Variants in USP14 observed in about 807,000 individuals in gnomAD.
The protein encoded by USP14 is ubiquitin specific peptidase 14.
Under a neutral mutation model 76.5 loss-of-function variants are expected in USP14, and 38 were observed. The observed-to-expected ratio is 0.50, with a 90% confidence interval of 0.38 to 0.65. USP14 has a LOEUF of 0.65. Ranked by LOEUF, USP14 falls within the 30% of genes least tolerant of loss-of-function variation. The probability of loss-of-function intolerance (pLI) is 0.00; values close to 1 mark genes in which losing one functional copy is unlikely to be tolerated. For synonymous variants in USP14, 192 were observed against 191.7 expected (o/e 1.00, Z -0.01); for missense variants, 467 against 586.5 (o/e 0.80, Z 2.10).
intron 5 of USP14, among the ~76,000 whole-genome samples, chr18:184,440 T>C (rs530362695): frequency 1.3e-5 from 2 of 152,294 alleles, no homozygotes; most frequent in East Asian, 3.9e-4. Flanking sequence ...AGAACTTGTC[T>C]TTGGCAGGTT....
At position 199,192 on chromosome 18, in the gene USP14, G is replaced by C; in HGVS notation, c.762-10G>C. On this transcript the variant is annotated splice_polypyrimidine_tract_variant and intron_variant, in intron 9 of 15. Coordinates refer to ENST00000261601, the MANE Select transcript of USP14 (RefSeq NM_005151.4). ...ACCCGTTGGCATATTCCTTATCTTA[G>C]TTTACAAAGCATGAAATGTACAGAA... 2 of 1,589,284 alleles carry C rather than the reference G, an allele frequency of 1.3e-6. No homozygotes were observed. Among genetic ancestry groups the C allele is most frequent in the East Asian group, 4.5e-5 (2 of 44,644 alleles).
intron 6 of USP14, 77 bp downstream of exon 6, chr18:192,977 AG>A: frequency 7.8e-7 from 1 of 1,282,336 alleles, no homozygotes; most frequent in Non-Finnish European, 1.1e-6. Flanking sequence ...TGCAGTTTAC[AG>A]AATGTCTTTT....
intron 13 of USP14, among the ~76,000 whole-genome samples, chr18:209,011 A>G (rs145300023): frequency 7.9e-4 from 120 of 152,294 alleles, no homozygotes; most frequent in African/African-American, 2.8e-3. Flanking sequence ...GTAAGCCACT[A>G]TACCCGGCCT....
At chr18:203,747 C>T (rs1171692699) in intron 12 of USP14, among the ~76,000 whole-genome samples, 3 of 151,998 alleles carry the variant, frequency 2.0e-5, no homozygotes, top group Admixed American at 2.0e-4. Context: ...GTAGCTGGGA[C>T]TACAGGCGCC....
chr18:193,981 T>A (rs1387763517), intron 6 of USP14, among the ~76,000 whole-genome samples: 3 of 152,212 alleles, frequency 2.0e-5, no homozygotes, highest in Non-Finnish European at 2.9e-5. Flanking sequence ...ATATGATTAC[T>A]ATATTTAACC....
chr18:201,987 C>CT (rs1339135024), intron 10 of USP14, among the ~76,000 whole-genome samples: 1 of 152,184 alleles, frequency 6.6e-6, no homozygotes, highest in Non-Finnish European at 1.5e-5. Flanking sequence ...TAAAAAGCTA[C>CT]TCCACAGTGA....
Position 199,314 on chromosome 18 carries a change from T to C in USP14, c.874T>C (p.Leu292=), listed in dbSNP as rs753756245. The change falls in exon 10 of 16, where the codon TTG becomes CTG. Residue 292 remains leucine (L), a splice_region_variant and synonymous_variant. Coordinates refer to ENST00000261601, the MANE Select transcript of USP14 (RefSeq NM_005151.4). ...EVKYLFTGLK[L]RLQEEITKQS... ...CAAGTATCTTTTTACAGGACTTAAA[T>C]TGGTAAGGACAATCTCAGTCCATCC... 1.2e-6 allele frequency: 2 copies of C among 1,601,228 alleles called. No homozygotes were observed. Among genetic ancestry groups the C allele is most frequent in the Admixed American group, 1.7e-5 (1 of 59,934 alleles).
rs2143112963 is a variant in USP14 at position 212,591 on chromosome 18, G to GACTC, written c.*1308_*1311dup. On this transcript the variant is annotated 3_prime_UTR_variant, in exon 16 of 16. Transcript: ENST00000261601. ...TGCACTCCAGCCTGGGTGACAGAGA[G>GACTC]ACTCTGTCTCAAAAAAAAAAAGAAA... 6.6e-6 allele frequency: 1 copy of GACTC among 151,276 alleles called. No homozygotes were observed. Among genetic ancestry groups the GACTC allele is most frequent in the African/African-American group, 2.4e-5 (1 of 41,226 alleles). The allele number at this position is 151,276 out of a possible 1,614,324, so 9.4% of individuals were successfully genotyped here. A position where few individuals can be genotyped will look rare whatever the true frequency, so the allele number is the denominator to read the frequency against.
At chr18:178,892 A>G (rs772996713) in intron 3 of USP14, 41 bp from the exon 4 acceptor site, 6 of 1,498,860 alleles carry the variant, frequency 4.0e-6, no homozygotes, top group East Asian at 2.3e-5. Context: ...AACATTACCA[A>G]CTTTTAAGGA....
At chr18:206,745 C>CA (rs1598280322) in intron 13 of USP14, among the ~76,000 whole-genome samples, 1 of 151,998 alleles carries the variant, frequency 6.6e-6, no homozygotes, top group Admixed American at 6.6e-5. Context: ...ACTAAAAATA[C>CA]AAAAAATTAG....
At chr18:210,088 A>AT in intron 14 of USP14, 57 bp downstream of exon 14, 2 of 1,351,178 alleles carry the variant, frequency 1.5e-6, no homozygotes, top group Non-Finnish European at 2.1e-6. Flanking sequence ...TTAAGGTAAA[A>AT]TTTACATCTT....
chr18:185,143 A>AT (rs34908804), intron 5 of USP14, among the ~76,000 whole-genome samples: 25,336 of 149,698 alleles, frequency 0.17, 2,392 homozygotes, highest in Non-Finnish European at 0.23. Flanking sequence ...ATTTTCTTTC[A>AT]TTTTTTTTTT....
In USP14 at chr18:199,945, G is replaced by A. The variant is rs75659953; in HGVS notation, c.876+629G>A. Among the ~76,000 whole-genome samples the A allele has an allele frequency of 8.1e-3, 1,227 of 152,296 alleles. 45 individuals are homozygous for A. Among genetic ancestry groups the A allele is most frequent in the East Asian group, 0.055 (287 of 5,180 alleles). On this transcript the variant is annotated intron_variant, in intron 10 of 15. Transcript: ENST00000261601. ...ATTACCGTGACTAACAAAATCAACT[G>A]TATAGTCAGAAATCAAACAAACTTC...
chr18:191,121 T>C (rs970737773), intron 5 of USP14, among the ~76,000 whole-genome samples: 1 of 152,184 alleles, frequency 6.6e-6, no homozygotes, highest in African/African-American at 2.4e-5. Context: ...GTATGTCTGC[T>C]ATATTAGTAC....
chr18:166,680 A>G, intron 2 of USP14, 107 bp from the exon 3 acceptor site: 1 of 1,320,052 alleles, frequency 7.6e-7, no homozygotes, highest in South Asian at 1.6e-5. Flanking sequence ...ATCTGCATAT[A>G]GGATAAATTT....
At chr18:171,030 A>ATG (rs1568416830) in intron 3 of USP14, among the ~76,000 whole-genome samples, 1 of 68,372 alleles carries the variant, frequency 1.5e-5, no homozygotes, top group African/African-American at 6.4e-5. Context: ...AAAAAAATAT[A>ATG]TATATATATA....
intron 10 of USP14, among the ~76,000 whole-genome samples, chr18:199,872 G>T (rs779022253): frequency 7.9e-5 from 12 of 152,150 alleles, no homozygotes; most frequent in Non-Finnish European, 1.3e-4. Context: ...TAGGAGCAGT[G>T]GTTCAGTATT....
chr18:174,528 A>G (rs1006427673), intron 3 of USP14, among the ~76,000 whole-genome samples: 5 of 151,700 alleles, frequency 3.3e-5, no homozygotes, highest in African/African-American at 1.2e-4. Context: ...GGCCTCCCCA[A>G]GTGCTGGGAT....
At chr18:163,154 A>G in intron 1 of USP14, 154 bp from the exon 2 acceptor site, 2 of 596,310 alleles carry the variant, frequency 3.4e-6, no homozygotes, top group Non-Finnish European at 5.6e-6. Flanking sequence ...CACCTACTGC[A>G]TGCATGCTCC....
Sources: allele counts gnomAD v4.1 joint callset (sites outside exome capture counted in the v4.1 genomes callset), GRCh38; gene constraint gnomAD v4.1.1; transcripts MANE v1.5; gene names NCBI Gene and HGNC (gene_info 2026-07-23, HGNC 2026-07-21).